The following LAMA3 variants were observed in gnomAD, a reference collection of about 807,000 sequenced individuals.
The protein encoded by LAMA3 is laminin subunit alpha-3.
In LAMA3, 281 loss-of-function variants were observed where a neutral mutation model predicts 402.0. That is an observed-to-expected ratio of 0.70 (90% CI 0.63 to 0.77). The LOEUF is 0.77. LAMA3 is among the 30% of genes least tolerant of loss of function. LAMA3 has a pLI of 0.00. For synonymous variants in LAMA3, 1,431 were observed against 1,558.4 expected (o/e 0.92, Z 1.93); for missense variants, 3,840 against 4,215.5 (o/e 0.91, Z 2.47).
rs1044489033 is a variant in LAMA3 at position 23,844,928 on chromosome 18, G to A, written c.3604-81G>A. 23 of 826,232 alleles carry A rather than the reference G, an allele frequency of 2.8e-5. No homozygotes were observed. In the African/African-American group the frequency reaches 3.7e-4, roughly 13 times the overall value. 51.2% of individuals were successfully genotyped at this position (826,232 alleles called of 1,614,324 possible). A position where few individuals can be genotyped will look rare whatever the true frequency, so the allele number is the denominator to read the frequency against. On this transcript the variant is annotated intron_variant, in intron 29 of 74. Transcript: ENST00000313654. The stretch of plus-strand genomic sequence containing the variant: ...TCAGATTTTGGATTTTTCGAGTAGG[G>A]GTGCTCAACCTGTATAATAAGTAGC...
At position 23,884,753 on chromosome 18, in the gene LAMA3, T is replaced by A. The variant is rs2065014226; in HGVS notation, c.5223-20T>A. The A allele has an allele frequency of 9.4e-6, 15 of 1,600,228 alleles. No individual in the cohort carries two copies. In the East Asian group the frequency reaches 3.4e-4, roughly 36 times the overall value. ...ATCGATCTGTGTTTTTGATGGGGCC[T>A]TTTTCTGTCTTCTTTCAAGCTTTGC... On this transcript the variant is annotated intron_variant, in intron 40 of 74. Coordinates refer to ENST00000313654, the MANE Select transcript of LAMA3 (RefSeq NM_198129.4).
At chr18:23,818,009 G>A (rs1457539805) in intron 18 of LAMA3, among the ~76,000 whole-genome samples, 1 of 152,078 alleles carries the variant, frequency 6.6e-6, no homozygotes, top group Non-Finnish European at 1.5e-5. Context: ...CAAAAAATTA[G>A]CCAGGCATGG....
chr18:23,915,265 G>A, intron 58 of LAMA3, 24 bp from the exon 59 acceptor site: 1 of 1,611,760 alleles, frequency 6.2e-7, no homozygotes, highest in East Asian at 2.2e-5. Context: ...TCAATTGGTG[G>A]AAGATGTTTT....
At chr18:23,897,562 A>C (rs1568313427) in intron 44 of LAMA3, among the ~76,000 whole-genome samples, 1 of 152,156 alleles carries the variant, frequency 6.6e-6, no homozygotes, top group African/African-American at 2.4e-5. Context: ...TGTTGTTCTC[A>C]TTAAACAGGC....
At chr18:23,855,966 C>T (rs1209679327) in intron 32 of LAMA3, among the ~76,000 whole-genome samples, 1 of 152,166 alleles carries the variant, frequency 6.6e-6, no homozygotes, top group Admixed American at 6.5e-5. Context: ...TCCCCTTAGC[C>T]CATGTCACAG....
At chr18:23,824,304 T>C (rs920639994) in intron 20 of LAMA3, 119 bp from the exon 21 acceptor site, 11 of 953,706 alleles carry the variant, frequency 1.2e-5, no homozygotes, top group Non-Finnish European at 1.5e-5. Flanking sequence ...GTAAATCTGA[T>C]CAGTACATAT....
intron 51 of LAMA3, among the ~76,000 whole-genome samples, 197 bp from the exon 52 acceptor site, chr18:23,905,325 C>T (rs1379659075): frequency 6.6e-6 from 1 of 152,144 alleles, no homozygotes; most frequent in African/African-American, 2.4e-5. Context: ...ATAGGCCCAC[C>T]TCCCCAAGCC....
intron 2 of LAMA3, among the ~76,000 whole-genome samples, chr18:23,724,476 A>G (rs1474603201): frequency 2.6e-5 from 4 of 151,880 alleles, no homozygotes; most frequent in Non-Finnish European, 5.9e-5. Context: ...TCCATGCCCT[A>G]TCTCACCCCC....
At chr18:23,877,506 T>C (rs1292160136) in intron 39 of LAMA3, among the ~76,000 whole-genome samples, 2 of 152,166 alleles carry the variant, frequency 1.3e-5, no homozygotes, top group South Asian at 2.1e-4. Context: ...GGAAATGCAC[T>C]CCTCTGGCAC....
intron 2 of LAMA3, among the ~76,000 whole-genome samples, chr18:23,740,745 G>T (rs2061547909): frequency 6.6e-6 from 1 of 152,158 alleles, no homozygotes; most frequent in African/African-American, 2.4e-5. Context: ...GACAAACATG[G>T]AGGAAACCTG....
chr18:23,707,085 A>T (rs1039180760), intron 1 of LAMA3, among the ~76,000 whole-genome samples: 25 of 152,236 alleles, frequency 1.6e-4, no homozygotes, highest in Non-Finnish European at 3.2e-4. Flanking sequence ...TCTCAAAAAA[A>T]ACAAAAACAA....
At position 23,800,600 on chromosome 18, in the gene LAMA3, A is replaced by T. The variant is rs113480445; in HGVS notation, c.1604-9766A>T. 3.8e-3 allele frequency among the ~76,000 whole-genome samples: 582 copies of T among 152,122 alleles called. 3 individuals are homozygous for T. Among genetic ancestry groups the T allele is most frequent in the Middle Eastern group, 0.027 (8 of 292 alleles). ...CACTAAATTATTGTTAACCACATTC[A>T]CCCTGCAGTATTAGGGAACACTAGA... is the stretch of plus-strand genomic sequence containing the variant. On this transcript the variant is annotated intron_variant, in intron 12 of 74. Transcript: ENST00000313654.
chr18:23,929,385 G>C (rs1174245759), intron 64 of LAMA3, among the ~76,000 whole-genome samples: 2 of 152,242 alleles, frequency 1.3e-5, no homozygotes, highest in Non-Finnish European at 2.9e-5. Context: ...TGTGGAATGA[G>C]TGGAATTTTT....
At chr18:23,907,516 A>C in intron 52 of LAMA3, 34 bp from the exon 53 acceptor site, 1 of 1,452,096 alleles carries the variant, frequency 6.9e-7, no homozygotes, top group Non-Finnish European at 9.7e-7. Context: ...AAATGCACAA[A>C]GTAATTGCCT....
intron 12 of LAMA3, among the ~76,000 whole-genome samples, chr18:23,788,355 A>G (rs1035406122): frequency 1.3e-5 from 2 of 152,040 alleles, no homozygotes; most frequent in Non-Finnish European, 2.9e-5. Flanking sequence ...TCAATATGAT[A>G]CTAATGTAGA....
chr18:23,692,532 A>G (rs916497626), intron 1 of LAMA3, among the ~76,000 whole-genome samples: 1 of 152,226 alleles, frequency 6.6e-6, no homozygotes, highest in African/African-American at 2.4e-5. Context: ...TTGGCCTCCC[A>G]AAGTGCTAGG....
chr18:23,928,632 G>C lies in LAMA3; in HGVS notation c.8303G>C (p.Arg2768Pro), dbSNP rs1484878202. Residue 2768 changes from arginine (R) to proline (P), a missense_variant, in exon 64 of 75, where the codon CGA (arginine) becomes CCA (proline). Arg to Pro is a moderately radical substitution (Grantham distance 103). Transcript: ENST00000313654. ...TCCATGTTTGCATTTCAGCTTGTGCGATCTGCCTCATTCTCCAGAGGAGGA... is the reference window on the plus strand; with the variant it reads ...TCCATGTTTGCATTTCAGCTTGTGCCATCTGCCTCATTCTCCAGAGGAGGA... ...KKCSEDWKLVRSASFSRGGQL... is the reference protein window; with the variant it reads ...KKCSEDWKLVPSASFSRGGQL... 8.7e-6 allele frequency: 14 copies of C among 1,613,904 alleles called. No individual in the cohort carries two copies. The highest frequency in any genetic ancestry group is 1.7e-5 in the Admixed American group (1 of 60,004).
In LAMA3 at chr18:23,831,039, C is replaced by T. The variant is rs529184994; in HGVS notation, c.2824-2789C>T. On this transcript the variant is annotated intron_variant, in intron 23 of 74. Transcript: ENST00000313654. Reference sequence around the variant, plus strand: ...GACTTCTCCAATTCTTTCCCGCACCCAAACTAATCTATCTGTGAGTGTACA... The same window carrying T: ...GACTTCTCCAATTCTTTCCCGCACCTAAACTAATCTATCTGTGAGTGTACA... Among the ~76,000 whole-genome samples, 7 of 152,300 alleles carry T rather than the reference C, an allele frequency of 4.6e-5. No homozygotes were observed. The South Asian group carries it at 6.2e-4, about 14-fold the overall frequency.
rs140290388 is a variant in LAMA3 at position 23,898,616 on chromosome 18, G to C, written c.5614-122G>C. The stretch of plus-strand genomic sequence containing the variant: ...TAACCTATTTCCAAGAACCACATTT[G>C]TGTGTGTGTGGAACTGAAAATGGTC... On this transcript the variant is annotated intron_variant, in intron 44 of 74. Coordinates refer to ENST00000313654, the MANE Select transcript of LAMA3 (RefSeq NM_198129.4). 188 of 720,738 alleles carry C rather than the reference G, an allele frequency of 2.6e-4. No homozygotes were observed. The East Asian group carries it at 4.3e-3, about 16-fold the overall frequency. The allele number at this position is 720,738 out of a possible 1,614,324, so 44.6% of individuals were successfully genotyped here.
Sources: allele counts gnomAD v4.1 joint callset (sites outside exome capture counted in the v4.1 genomes callset), GRCh38; gene constraint gnomAD v4.1.1; transcripts MANE v1.5; gene names NCBI Gene and HGNC (gene_info 2026-07-23, HGNC 2026-07-21).